Variants in FRMD4A observed in about 807,000 individuals in gnomAD.
FRMD4A encodes FERM domain-containing protein 4A.
FRMD4A carries 29 observed loss-of-function variants against 129.1 expected under a neutral mutation model. The observed-to-expected ratio is 0.22, with a 90% CI of 0.17 to 0.31. FRMD4A has a LOEUF of 0.31. FRMD4A is among the 10% of genes least tolerant of loss of function. The pLI is 1.00. For synonymous variants in FRMD4A, 634 were observed against 571.6 expected (o/e 1.11, Z -1.56); for missense variants, 1,272 against 1,375.8 (o/e 0.92, Z 1.19).
At chr10:14,223,064 G>A (rs970766563) in intron 2 of FRMD4A, among the ~76,000 whole-genome samples, 5 of 152,144 alleles carry the variant, frequency 3.3e-5, no homozygotes, top group Non-Finnish European at 7.3e-5. Flanking sequence ...TCCAGCCTGG[G>A]CAACAGAGTG....
chr10:13,825,086 G>A (rs1243985935), intron 3 of FRMD4A, among the ~76,000 whole-genome samples: 1 of 151,920 alleles, frequency 6.6e-6, no homozygotes, highest in Non-Finnish European at 1.5e-5. Context: ...ACTGCTTTTT[G>A]TCCTATACAT....
intron 2 of FRMD4A, among the ~76,000 whole-genome samples, chr10:14,171,167 G>T (rs1007172190): frequency 8.5e-5 from 13 of 152,178 alleles, no homozygotes; most frequent in Admixed American, 5.9e-4. Flanking sequence ...ATTATAAAAT[G>T]ATTTCCTTTA....
chr10:13,925,968 G>A (rs2095129620), intron 2 of FRMD4A, among the ~76,000 whole-genome samples: 1 of 149,312 alleles, frequency 6.7e-6, no homozygotes, highest in South Asian at 2.1e-4. Context: ...ATGATTGATT[G>A]AATTTGGTGT....
chr10:13,783,087 G>A, intron 5 of FRMD4A, 81 bp from the exon 6 acceptor site: 1 of 734,948 alleles, frequency 1.4e-6, no homozygotes, highest in Non-Finnish European at 2.5e-6. Context: ...CATGATTTGA[G>A]ATGAAAGCTG....
At chr10:13,991,803 G>T (rs891832554) in intron 2 of FRMD4A, 7 of 152,502 alleles carry the variant, frequency 4.6e-5, no homozygotes, top group African/African-American at 1.7e-4. Flanking sequence ...CATGCTGCTT[G>T]GCAAAGGCAC....
At chr10:13,664,488 A>T (rs979802526) in intron 18 of FRMD4A, among the ~76,000 whole-genome samples, 8 of 152,092 alleles carry the variant, frequency 5.3e-5, no homozygotes, top group Admixed American at 1.3e-4. Flanking sequence ...AAAGAATTTT[A>T]AAAAATTCTC....
intron 2 of FRMD4A, among the ~76,000 whole-genome samples, chr10:14,124,930 A>G (rs546054658): frequency 4.6e-5 from 7 of 152,276 alleles, no homozygotes; most frequent in Non-Finnish European, 7.3e-5. Context: ...GAGCAACTAC[A>G]TATGGTTACA....
chr10:13,670,636 C>T (rs2083438768), intron 16 of FRMD4A, 108 bp from the exon 17 acceptor site: 4 of 1,020,736 alleles, frequency 3.9e-6, no homozygotes, highest in Non-Finnish European at 5.9e-6. Context: ...TGCACGCATG[C>T]ACTTCGATAC....
At chr10:14,006,510 A>G (rs747356437) in intron 2 of FRMD4A, among the ~76,000 whole-genome samples, 5 of 152,208 alleles carry the variant, frequency 3.3e-5, no homozygotes, top group Non-Finnish European at 7.4e-5. Context: ...ATGATTTATT[A>G]AACACTTTAT....
intron 2 of FRMD4A, among the ~76,000 whole-genome samples, chr10:13,877,594 G>C (rs1208211019): frequency 6.6e-6 from 1 of 152,178 alleles, no homozygotes; most frequent in Non-Finnish European, 1.5e-5. Flanking sequence ...TTCCATAGGG[G>C]GAAGTTTCCA....
At chr10:13,791,693 G>A (rs1013145254) in intron 5 of FRMD4A, among the ~76,000 whole-genome samples, 1 of 152,078 alleles carries the variant, frequency 6.6e-6, no homozygotes, top group African/African-American at 2.4e-5. Context: ...TTATGCCAAG[G>A]GACATCTGTG....
At chr10:14,084,901 G>C (rs1213717257) in intron 2 of FRMD4A, among the ~76,000 whole-genome samples, 1 of 152,176 alleles carries the variant, frequency 6.6e-6, no homozygotes, top group Non-Finnish European at 1.5e-5. Flanking sequence ...GGCTGACCCT[G>C]GTGCTTCCCC....
intron 8 of FRMD4A, among the ~76,000 whole-genome samples, chr10:13,761,178 G>C (rs565513675): frequency 1.3e-5 from 2 of 152,146 alleles, no homozygotes; most frequent in Non-Finnish European, 2.9e-5. Flanking sequence ...GCAGAGGTGG[G>C]GTATTTTTAT....
intron 2 of FRMD4A, among the ~76,000 whole-genome samples, chr10:14,229,414 T>C (rs1589199122): frequency 6.6e-6 from 1 of 152,266 alleles, no homozygotes; most frequent in South Asian, 2.1e-4. Flanking sequence ...GCCCCACTTT[T>C]GAAACTAAAA....
Position 14,126,315 on chromosome 10 carries a change from C to T in FRMD4A, c.45+203743G>A, listed in dbSNP as rs1158587054. On this transcript the variant is annotated intron_variant, in intron 2 of 24. Coordinates refer to ENST00000357447, the MANE Select transcript of FRMD4A (RefSeq NM_018027.5). Reference sequence around the variant, plus strand: ...CCTTCCGAATAGCTGGGACTACAGGCGTGCTCCATGACACCCAGCTAATTT... The same window carrying T: ...CCTTCCGAATAGCTGGGACTACAGGTGTGCTCCATGACACCCAGCTAATTT... Among the ~76,000 whole-genome samples, 9 of 151,968 alleles carry T rather than the reference C, an allele frequency of 5.9e-5. No homozygotes were observed. The South Asian group carries it at 6.3e-4, about 11-fold the overall frequency.
intron 3 of FRMD4A, among the ~76,000 whole-genome samples, chr10:13,837,003 T>C (rs1466201367): frequency 1.3e-5 from 2 of 152,110 alleles, no homozygotes; most frequent in Non-Finnish European, 2.9e-5. Flanking sequence ...ATGATCTGCC[T>C]GCCTCAGCCT....
intron 17 of FRMD4A, among the ~76,000 whole-genome samples, chr10:13,669,880 C>T (rs1197108014): frequency 6.6e-6 from 1 of 152,208 alleles, no homozygotes; most frequent in Non-Finnish European, 1.5e-5. Flanking sequence ...CACAGACAAA[C>T]AAGGCCAGGG....
intron 2 of FRMD4A, among the ~76,000 whole-genome samples, chr10:14,024,643 A>G (rs1233039573): frequency 6.6e-6 from 1 of 152,228 alleles, no homozygotes; most frequent in Non-Finnish European, 1.5e-5. Context: ...CCAAACTCTA[A>G]TAATGGTGCT....
intron 6 of FRMD4A, among the ~76,000 whole-genome samples, chr10:13,767,619 A>AT (rs974912669): frequency 9.9e-5 from 15 of 152,130 alleles, no homozygotes; most frequent in African/African-American, 3.1e-4. Flanking sequence ...CAAAAATCCC[A>AT]TTTTTTTCCT....
Sources: gnomAD v4.1 joint callset for allele counts (sites outside exome capture counted in the v4.1 genomes callset) on GRCh38, gnomAD v4.1.1 for gene constraint, MANE v1.5 for transcripts, NCBI Gene and HGNC (gene_info 2026-07-23, HGNC 2026-07-21) for gene names.